Variants in FGF14 observed in about 807,000 individuals in gnomAD.
FGF14 encodes fibroblast growth factor 14.
Under a neutral mutation model 25.5 loss-of-function variants are expected in FGF14, and 5 were observed. That is an observed-to-expected ratio of 0.20 (90% CI 0.10 to 0.41). FGF14 has a LOEUF of 0.41. Ranked by LOEUF, FGF14 falls within the 10% of genes least tolerant of loss-of-function variation. FGF14 has a pLI of 1.00. For synonymous variants in FGF14, 138 were observed against 118.3 expected (o/e 1.17, Z -1.08); for missense variants, 222 against 320.1 (o/e 0.69, Z 2.34).
At chr13:102,201,276 CCAACATGACAAGTAAAGA>C (rs1423466832) in intron 1 of FGF14, among the ~76,000 whole-genome samples, 1 of 151,684 alleles carries the variant, frequency 6.6e-6, no homozygotes, top group African/African-American at 2.4e-5. Flanking sequence ...TTAGGATTCT[CCAACATGACAAGTAAAGA>C]CAACATGGAG....
At chr13:102,068,356 G>T (rs1458354649) in intron 1 of FGF14, among the ~76,000 whole-genome samples, 7 of 152,238 alleles carry the variant, frequency 4.6e-5, no homozygotes, top group Non-Finnish European at 1.5e-5. Context: ...TCCTCTGCCT[G>T]GGCTCCCACT....
At chr13:101,901,837 T>C (rs2031595693) in intron 1 of FGF14, among the ~76,000 whole-genome samples, 1 of 152,152 alleles carries the variant, frequency 6.6e-6, no homozygotes, top group African/African-American at 2.4e-5. Context: ...TTACTTAACA[T>C]CTGTCAGTTT....
chr13:102,316,897 C>T (rs1449208526), intron 1 of FGF14, among the ~76,000 whole-genome samples: 4 of 152,146 alleles, frequency 2.6e-5, no homozygotes, highest in Non-Finnish European at 4.4e-5. Flanking sequence ...ATGCTGGCAT[C>T]TTTCAGGATG....
At chr13:102,122,914 A>G (rs1215493010) in intron 1 of FGF14, among the ~76,000 whole-genome samples, 36 of 152,318 alleles carry the variant, frequency 2.4e-4, no homozygotes, top group Admixed American at 1.9e-3. Flanking sequence ...TCCAAGTCGC[A>G]GAGGTGGCAA....
At chr13:102,275,941 T>C (rs1175362012) in intron 1 of FGF14, among the ~76,000 whole-genome samples, 2 of 152,034 alleles carry the variant, frequency 1.3e-5, no homozygotes, top group Non-Finnish European at 2.9e-5. Flanking sequence ...TTAAGAGCAA[T>C]GAACAGTAAA....
intron 1 of FGF14, among the ~76,000 whole-genome samples, chr13:101,900,240 G>T (rs1594654948): frequency 6.6e-6 from 1 of 152,028 alleles, no homozygotes; most frequent in East Asian, 1.9e-4. Flanking sequence ...TTCTTCAATG[G>T]CTTAAAATCA....
intron 1 of FGF14, among the ~76,000 whole-genome samples, chr13:101,895,723 C>CTGTTGTT (rs1479487441): frequency 6.6e-6 from 1 of 152,168 alleles, no homozygotes; most frequent in Non-Finnish European, 1.5e-5. Context: ...AAGGGAACAT[C>CTGTTGTT]TGTTGTTTGC....
chr13:102,053,479 C>G (rs1343125991), intron 1 of FGF14, among the ~76,000 whole-genome samples: 3 of 151,876 alleles, frequency 2.0e-5, no homozygotes, highest in Non-Finnish European at 4.4e-5. Flanking sequence ...AACAACCGAT[C>G]AATTAAAGAA....
intron 1 of FGF14, chr13:102,394,644 C>A (rs1318983403): frequency 1.3e-5 from 2 of 152,344 alleles, no homozygotes; most frequent in African/African-American, 4.8e-5. Context: ...AGCGAAGCCC[C>A]CGGCGAGCCG....
chr13:101,779,453 T>C (rs1257489679), intron 3 of FGF14, among the ~76,000 whole-genome samples: 1 of 152,204 alleles, frequency 6.6e-6, no homozygotes, highest in Non-Finnish European at 1.5e-5. Context: ...ATTGTGTTAA[T>C]GTATGAATAT....
intron 3 of FGF14, among the ~76,000 whole-genome samples, chr13:101,753,423 T>C (rs2037433739): frequency 1.3e-5 from 2 of 152,176 alleles, no homozygotes; most frequent in Admixed American, 1.3e-4. Context: ...TGTTCCTAAA[T>C]ATTGATTTGC....
intron 1 of FGF14, among the ~76,000 whole-genome samples, chr13:102,006,819 A>T (rs997045423): frequency 7.8e-6 from 1 of 128,826 alleles, no homozygotes; most frequent in African/African-American, 3.0e-5. Context: ...ATCTCGGCTC[A>T]CTGCAAGCTC....
At chr13:102,162,661 C>T (rs565523136) in intron 1 of FGF14, among the ~76,000 whole-genome samples, 2 of 152,238 alleles carry the variant, frequency 1.3e-5, no homozygotes, top group South Asian at 4.1e-4. Context: ...TAACAAAAGA[C>T]TTCATTATGT....
At chr13:102,242,179 G>T (rs908442872) in intron 1 of FGF14, among the ~76,000 whole-genome samples, 2 of 152,048 alleles carry the variant, frequency 1.3e-5, no homozygotes, top group African/African-American at 4.8e-5. Flanking sequence ...AGCTCACAGA[G>T]GTTCTACTCT....
Position 101,714,482 on chromosome 13 carries a change from T to C in FGF14, c.*8349A>G, listed in dbSNP as rs2034625563. 6.2e-7 allele frequency: 1 copy of C among 1,612,982 alleles called. No individual in the cohort carries two copies. Among genetic ancestry groups the C allele is most frequent in the Non-Finnish European group, 8.5e-7 (1 of 1,178,970 alleles). ...GTGCATTTGTTCTGCTGAAGAGTGGTATATTTCTGGGGAGTTCTGTGACTG... is the reference window on the plus strand; with the variant it reads ...GTGCATTTGTTCTGCTGAAGAGTGGCATATTTCTGGGGAGTTCTGTGACTG... On this transcript the variant is annotated 3_prime_UTR_variant, in exon 5 of 5. Coordinates refer to ENST00000376143, the MANE Select transcript of FGF14 (RefSeq NM_004115.4).
chr13:102,111,834 G>A (rs1293404550), intron 1 of FGF14, among the ~76,000 whole-genome samples: 1 of 151,008 alleles, frequency 6.6e-6, no homozygotes, highest in East Asian at 1.9e-4. Flanking sequence ...CAGTCCTTCA[G>A]GAGCTTATGG....
At chr13:101,979,576 C>T (rs78972948) in intron 1 of FGF14, among the ~76,000 whole-genome samples, 2,189 of 152,218 alleles carry the variant, frequency 0.014, 48 homozygotes, top group African/African-American at 0.05. Flanking sequence ...TATTTATTTG[C>T]TTGTTTTTCC....
At chr13:102,188,298 A>G (rs567369237) in intron 1 of FGF14, among the ~76,000 whole-genome samples, 2 of 152,336 alleles carry the variant, frequency 1.3e-5, no homozygotes, top group South Asian at 2.1e-4. Context: ...AACAATTTCA[A>G]CAGATAATGA....
At chr13:101,748,539 C>T (rs1344538849) in intron 3 of FGF14, among the ~76,000 whole-genome samples, 2 of 151,240 alleles carry the variant, frequency 1.3e-5, no homozygotes, top group Non-Finnish European at 3.0e-5. Context: ...ACAACGTACA[C>T]TAAAAGCCCA....
Sources: allele counts gnomAD v4.1 joint callset (sites outside exome capture counted in the v4.1 genomes callset), GRCh38; gene constraint gnomAD v4.1.1; transcripts MANE v1.5; gene names NCBI Gene and HGNC (gene_info 2026-07-23, HGNC 2026-07-21).